The following CADM2 variants were observed in gnomAD, a reference collection of about 807,000 sequenced individuals.
The protein encoded by CADM2 is cell adhesion molecule 2, also known as immunoglobulin superfamily member 4D.
Under a neutral mutation model 49.8 loss-of-function variants are expected in CADM2, and 12 were observed. The observed-to-expected ratio is 0.24, with a 90% CI of 0.15 to 0.39. The LOEUF (loss-of-function observed/expected upper bound fraction) is 0.39, where lower values mean the gene tolerates loss of function less well. Ranked by LOEUF, CADM2 falls within the 10% of genes least tolerant of loss-of-function variation. The pLI is 1.00. For missense variants in CADM2, 378 were observed against 492.3 expected (o/e 0.77, Z 2.20); for synonymous variants, 214 against 175.4 (o/e 1.22, Z -1.74).
intron 1 of CADM2, among the ~76,000 whole-genome samples, chr3:85,237,043 G>A (rs1158978825): frequency 6.6e-6 from 1 of 151,880 alleles, no homozygotes; most frequent in African/African-American, 2.4e-5. Context: ...TTTAAATAAG[G>A]GCTTTTATGA....
chr3:85,383,537 T>TATATATATATAC (rs1464540835), intron 1 of CADM2, among the ~76,000 whole-genome samples: 1 of 145,348 alleles, frequency 6.9e-6, no homozygotes, highest in Non-Finnish European at 1.5e-5. Flanking sequence ...TATATATATA[T>TATATATATATAC]ACATATATAT....
chr3:85,259,503 A>T (rs2042964950), intron 1 of CADM2, among the ~76,000 whole-genome samples: 1 of 152,172 alleles, frequency 6.6e-6, no homozygotes, highest in African/African-American at 2.4e-5. Flanking sequence ...TAAAGGAGGT[A>T]TTGAAAATAT....
At chr3:85,103,241 G>A (rs1454183286) in intron 1 of CADM2, among the ~76,000 whole-genome samples, 1 of 152,082 alleles carries the variant, frequency 6.6e-6, no homozygotes, top group Non-Finnish European at 1.5e-5. Flanking sequence ...TCGATTGATG[G>A]TTTCCTGGCA....
intron 1 of CADM2, among the ~76,000 whole-genome samples, chr3:85,400,623 C>T (rs112578726): frequency 0.025 from 3,858 of 152,190 alleles, 159 homozygotes; most frequent in African/African-American, 0.087. Context: ...GCCTCAATTT[C>T]AGAGCCTGTT....
intron 1 of CADM2, among the ~76,000 whole-genome samples, chr3:85,537,250 A>G (rs2061440442): frequency 6.6e-6 from 1 of 152,246 alleles, no homozygotes; most frequent in East Asian, 1.9e-4. Context: ...TTGCTAATAC[A>G]GTAACTTTTT....
chr3:85,317,980 G>A (rs2044508166), intron 1 of CADM2, among the ~76,000 whole-genome samples: 1 of 151,902 alleles, frequency 6.6e-6, no homozygotes, highest in African/African-American at 2.4e-5. Context: ...TTAAACTATG[G>A]GTTAAGTGGT....
chr3:86,034,895 C>T (rs1254759515), intron 8 of CADM2, among the ~76,000 whole-genome samples: 1 of 151,886 alleles, frequency 6.6e-6, no homozygotes, highest in African/African-American at 2.4e-5. Flanking sequence ...TCTGGCCAAT[C>T]TTTTACCTTC....
chr3:85,730,660 A>G (rs2067893354), intron 2 of CADM2, among the ~76,000 whole-genome samples: 1 of 152,128 alleles, frequency 6.6e-6, no homozygotes, highest in Admixed American at 6.5e-5. Flanking sequence ...AGTAGTCTTA[A>G]AATTTCTTTG....
chr3:85,898,957 T>TATATATATATATATATATATATA (rs57854096), intron 5 of CADM2, among the ~76,000 whole-genome samples: 1 of 28,490 alleles, frequency 3.5e-5, no homozygotes, highest in Non-Finnish European at 6.0e-5. Flanking sequence ...ATATATATAT[T>TATATATATATATATATATATATA]TTTTTTTTTT....
At chr3:85,049,366 T>TATTTA (rs1559634736) in intron 1 of CADM2, among the ~76,000 whole-genome samples, 1 of 147,114 alleles carries the variant, frequency 6.8e-6, no homozygotes, top group African/African-American at 2.4e-5. Context: ...TTTATTTATT[T>TATTTA]TTGAGATGGA....
intron 2 of CADM2, among the ~76,000 whole-genome samples, chr3:85,801,669 A>G (rs2072047307): frequency 1.3e-5 from 2 of 152,308 alleles, no homozygotes; most frequent in South Asian, 4.1e-4. Flanking sequence ...ACTGCTTTAG[A>G]GAGTTCAACT....
At chr3:84,982,470 T>C (rs1303984488) in intron 1 of CADM2, among the ~76,000 whole-genome samples, 1 of 151,712 alleles carries the variant, frequency 6.6e-6, no homozygotes, top group Non-Finnish European at 1.5e-5. Flanking sequence ...ACAAAGAAGG[T>C]ACACTAATTA....
intron 1 of CADM2, among the ~76,000 whole-genome samples, chr3:85,146,868 T>C (rs2039759620): frequency 6.6e-6 from 1 of 152,064 alleles, no homozygotes; most frequent in Non-Finnish European, 1.5e-5. Flanking sequence ...ATTTCTTAAA[T>C]GCGATCCTGC....
At chr3:85,017,944 A>G (rs1215469404) in intron 1 of CADM2, among the ~76,000 whole-genome samples, 4 of 152,214 alleles carry the variant, frequency 2.6e-5, no homozygotes, top group African/African-American at 9.6e-5. Context: ...GATTCTTAAC[A>G]CTGTTGCTTA....
intron 1 of CADM2, among the ~76,000 whole-genome samples, chr3:85,364,845 T>C (rs9866089): frequency 0.28 from 42,449 of 151,684 alleles, 6,264 homozygotes; most frequent in South Asian, 0.34. Context: ...CTGATGCTTG[T>C]TCTGGATCAT....
chr3:86,043,621 A>T (rs1211988156), intron 8 of CADM2, among the ~76,000 whole-genome samples: 2 of 152,202 alleles, frequency 1.3e-5, no homozygotes, highest in Admixed American at 1.3e-4. Context: ...ATATCGTGAA[A>T]ATGGCCATAC....
intron 1 of CADM2, among the ~76,000 whole-genome samples, chr3:85,722,989 T>A (rs2107772547): frequency 6.6e-6 from 1 of 152,282 alleles, no homozygotes; most frequent in East Asian, 1.9e-4. Flanking sequence ...GTACTGATGT[T>A]TTTTCAGATA....
chr3:85,566,740 C>T (rs1386050362), intron 1 of CADM2, among the ~76,000 whole-genome samples: 1 of 152,122 alleles, frequency 6.6e-6, no homozygotes, highest in Non-Finnish European at 1.5e-5. Flanking sequence ...AAACTTGCAG[C>T]ACTTTTAAGC....
chr3:85,389,410 T>C (rs2034406936), intron 1 of CADM2, among the ~76,000 whole-genome samples: 1 of 152,100 alleles, frequency 6.6e-6, no homozygotes, highest in Non-Finnish European at 1.5e-5. Context: ...AAACATGACA[T>C]TGGAGTTACA....
Sources: allele counts gnomAD v4.1 joint callset (sites outside exome capture counted in the v4.1 genomes callset), GRCh38; gene constraint gnomAD v4.1.1; transcripts MANE v1.5; gene names NCBI Gene and HGNC (gene_info 2026-07-23, HGNC 2026-07-21).